The following LGALS12 variants were observed in gnomAD, a reference collection of about 807,000 sequenced individuals.
LGALS12 encodes the protein galectin-12.
LGALS12 carries 36 observed loss-of-function variants against 36.8 expected under a neutral mutation model. The ratio of observed to expected loss-of-function variants is 0.98; its 90% confidence interval spans 0.75 to 1.29. The LOEUF (loss-of-function observed/expected upper bound fraction) is 1.29. LGALS12 is among the 50% of genes most tolerant of loss of function. The pLI is 0.00. For missense variants in LGALS12, 366 were observed against 394.3 expected, an observed-to-expected ratio of 0.93 and a Z score of 0.61; for synonymous variants, 145 against 155.9, an observed-to-expected ratio of 0.93 and a Z score of 0.52.
At chr11:63,513,273 C>T (rs981162011) in intron 7 of LGALS12, among the ~76,000 whole-genome samples, 1 of 152,106 alleles carries the variant, frequency 6.6e-6, no homozygotes, top group African/African-American at 2.4e-5. Context: ...GGCATGAGAC[C>T]GGGTTCATAT....
chr11:63,506,381 TGA>T lies in LGALS12; in HGVS notation c.-77_-76del. 2 of 1,614,102 alleles carry T rather than the reference TGA, an allele frequency of 1.2e-6. No individual in the cohort carries two copies. Among genetic ancestry groups the T allele is most frequent in the Non-Finnish European group, 1.7e-6 (2 of 1,179,984 alleles). On this transcript the variant is annotated 5_prime_UTR_variant, in exon 1 of 9. Coordinates refer to ENST00000394618, the MANE Select transcript of LGALS12 (RefSeq NM_033101.4). ...GAGCTGCTCCAGGCATTTAGGACCC[TGA>T]CTGGGGCAGATGAGTCAGCCCAGTG...
intron 3 of LGALS12, 21 bp from the exon 4 acceptor site, chr11:63,509,757 A>G (rs2016858745): frequency 6.2e-7 from 1 of 1,612,848 alleles, no homozygotes; most frequent in Non-Finnish European, 8.5e-7. Flanking sequence ...CTGATAAGCC[A>G]GCCTCTGTCT....
intron 7 of LGALS12, among the ~76,000 whole-genome samples, chr11:63,513,014 C>T (rs1204289691): frequency 6.6e-6 from 1 of 152,198 alleles, no homozygotes; most frequent in Non-Finnish European, 1.5e-5. Flanking sequence ...GCCCTGCACA[C>T]TGCCGATCAT....
At chr11:63,515,257 T>C (rs991480202) in intron 7 of LGALS12, among the ~76,000 whole-genome samples, 5 of 152,208 alleles carry the variant, frequency 3.3e-5, no homozygotes, top group African/African-American at 1.2e-4. Flanking sequence ...ATCATCCCCA[T>C]TTTCAGGAGG....
At chr11:63,511,304 G>A (rs1160899516) in intron 6 of LGALS12, among the ~76,000 whole-genome samples, 199 bp downstream of exon 6, 3 of 152,198 alleles carry the variant, frequency 2.0e-5, no homozygotes, top group African/African-American at 7.2e-5. Flanking sequence ...GCTGCAGGCT[G>A]TGGGTGGGCT....
In LGALS12 at chr11:63,511,684, C is replaced by G. The variant is rs931372528; in HGVS notation, c.559-68C>G. 5.1e-6 allele frequency: 6 copies of G among 1,170,122 alleles called. No homozygotes were observed. In the African/African-American group the frequency reaches 6.0e-5, roughly 12 times the overall value. The allele number at this position is 1,170,122 out of a possible 1,614,324, so 72.5% of individuals were successfully genotyped here. On this transcript the variant is annotated intron_variant, in intron 6 of 8. Coordinates refer to ENST00000394618, the MANE Select transcript of LGALS12 (RefSeq NM_033101.4). ...GCCTGCCCCAGTGCTCCCCTGGCCCCCGGGGATGGGCGGTCCTCCCCAGTC... is the reference window on the plus strand; with the variant it reads ...GCCTGCCCCAGTGCTCCCCTGGCCCGCGGGGATGGGCGGTCCTCCCCAGTC...
chr11:63,516,493 C>T lies in LGALS12; in HGVS notation c.*100C>T. On this transcript the variant is annotated 3_prime_UTR_variant, in exon 9 of 9. Transcript: ENST00000394618. ...TTAAACCATCCACCTGACACCAGCA[C>T]ATCAGGCCTGGTTCACCTCTGGGGT... 7.2e-6 allele frequency: 10 copies of T among 1,389,022 alleles called. No homozygotes were observed. The highest frequency in any genetic ancestry group is 1.0e-5 in the Non-Finnish European group (10 of 994,814). 86.0% of individuals were successfully genotyped at this position (1,389,022 alleles called of 1,614,324 possible). A position where few individuals can be genotyped will look rare whatever the true frequency, so the allele number is the denominator to read the frequency against.
rs934060386 is a variant in LGALS12 at position 63,510,501 on chromosome 11, T to C, written c.531T>C (p.His177=). 5 of 1,612,722 alleles carry C rather than the reference T, an allele frequency of 3.1e-6. No individual in the cohort carries two copies. The African/African-American group carries it at 4.0e-5, about 13-fold the overall frequency. ...VEGSREYPAG[H]PFLLMSPRLE... ...GCAGCAGAGAGTACCCAGCTGGACA[T>C]GTGAGTTTCTTGGCAGCAAGGTCTG... is the stretch of plus-strand genomic sequence containing the variant. Residue 177 remains histidine, a splice_region_variant and synonymous_variant, in exon 5 of 9, where the codon CAT becomes CAC. Coordinates refer to ENST00000394618, the MANE Select transcript of LGALS12 (RefSeq NM_033101.4).
chr11:63,515,813 G>A (rs553237678), intron 8 of LGALS12, 100 bp downstream of exon 8: 2 of 1,320,066 alleles, frequency 1.5e-6, no homozygotes, highest in South Asian at 1.4e-5. Flanking sequence ...CAGGACAGAT[G>A]TTATGGGGTG....
In LGALS12 at chr11:63,511,086, T is replaced by G. The variant is rs935371293; in HGVS notation, c.539T>G (p.Leu180Arg). 4.3e-6 allele frequency: 7 copies of G among 1,613,798 alleles called. No homozygotes were observed. Among genetic ancestry groups the G allele is most frequent in the Non-Finnish European group, 5.9e-6 (7 of 1,179,990 alleles). Residue 180 changes from leucine to arginine, a missense_variant, in exon 6 of 9, where the codon CTG becomes CGG. Physicochemically the swap from Leu to Arg is moderately radical, Grantham distance 102 (BLOSUM62 -2). Transcript: ENST00000394618. ...SREYPAGHPF[L>R]LMSPRLEVPC... ...TCTTTCTTTCCCTGACAGCCTTTCC[T>G]GCTGATGAGCCCCAGGCTGGTGAGT... is the stretch of plus-strand genomic sequence containing the variant.
rs767307228 is a variant in LGALS12, at chr11:63,515,608, A to G, written c.693A>G (p.Thr231=). 1 of 1,614,132 alleles carries G rather than the reference A, an allele frequency of 6.2e-7. No homozygotes were observed. The highest frequency in any genetic ancestry group is 8.5e-7 in the Non-Finnish European group (1 of 1,180,004). The change falls in exon 8 of 9, where the codon ACA becomes ACG. Residue 231 remains threonine, a synonymous_variant. Coordinates refer to ENST00000394618, the MANE Select transcript of LGALS12 (RefSeq NM_033101.4). The part of the protein sequence containing the change: ...LRDQAAHAPV[T]LRASFADRTL... ...ACCAGGCTGCCCATGCTCCTGTGACACTCAGGGCCTCCTTCGCAGACAGAA... is the reference window on the plus strand; with the variant it reads ...ACCAGGCTGCCCATGCTCCTGTGACGCTCAGGGCCTCCTTCGCAGACAGAA...
At position 63,510,484 on chromosome 11, in the gene LGALS12, G is replaced by A. The variant is rs761205250; in HGVS notation, c.514G>A (p.Glu172Lys). ...ACAGCCATTTGTGGAGGGCAGCAGAGAGTACCCAGCTGGACATGTGAGTTT... is the reference window on the plus strand; with the variant it reads ...ACAGCCATTTGTGGAGGGCAGCAGAAAGTACCCAGCTGGACATGTGAGTTT... Reference protein sequence around the residue: ...NINPFVEGSREYPAGHPFLLM... With the variant: ...NINPFVEGSRKYPAGHPFLLM... Residue 172 changes from glutamate to lysine, a missense_variant, in exon 5 of 9, where the codon GAG becomes AAG. Coordinates refer to ENST00000394618, the MANE Select transcript of LGALS12 (RefSeq NM_033101.4). The A allele has an allele frequency of 6.2e-7, 1 of 1,614,058 alleles. No homozygotes were observed. Among genetic ancestry groups the A allele is most frequent in the African/African-American group, 1.3e-5 (1 of 74,930 alleles).
intron 5 of LGALS12, among the ~76,000 whole-genome samples, chr11:63,510,713 T>C (rs1300995417): frequency 6.6e-6 from 1 of 152,168 alleles, no homozygotes; most frequent in East Asian, 1.9e-4. Flanking sequence ...GGGGGTGGGC[T>C]GCATGCAGAG....
chr11:63,516,414 C>A lies in LGALS12; in HGVS notation c.*21C>A, dbSNP rs76706902. The A allele has an allele frequency of 5.0e-6, 8 of 1,613,278 alleles. No individual in the cohort carries two copies. Among genetic ancestry groups the A allele is most frequent in the Non-Finnish European group, 5.9e-6 (7 of 1,179,940 alleles). The stretch of plus-strand genomic sequence containing the variant: ...CCTGAGGATGGTTCCAGGGAAATAC[C>A]GCCAGAAAACAAGAAGGTCAGCCCA... On this transcript the variant is annotated 3_prime_UTR_variant, in exon 9 of 9. Transcript: ENST00000394618.
In LGALS12 at chr11:63,509,832, CAT is replaced by C. The variant is rs1335841521; in HGVS notation, c.428_429del (p.His143ArgfsTer9). On this transcript the variant is annotated frameshift_variant, in exon 4 of 9. Transcript: ENST00000394618. LOFTEE classifies it high-confidence loss of function. ...CTTCCGCTACCGGCTCCCACTGTCT[CAT>C]GTGGACACGCTGGGTATATTTGGTG... ...LHFRYRLPLSHVDTLGIFGDI... is the reference protein window; with the variant it reads ...LHFRYRLPLSXVDTLGIFGDI... 3 of 1,614,098 alleles carry C rather than the reference CAT, an allele frequency of 1.9e-6. No individual in the cohort carries two copies. The highest frequency in any genetic ancestry group is 2.5e-6 in the Non-Finnish European group (3 of 1,179,920).
At chr11:63,508,130 T>G in intron 1 of LGALS12, 1 of 1,047,884 alleles carries the variant, frequency 9.5e-7, no homozygotes, top group South Asian at 3.2e-5. Flanking sequence ...TGTCAGTTCC[T>G]AACTTGTCCA....
Position 63,511,076 on chromosome 11 carries a change from C to T in LGALS12, c.532-3C>T. 1 of 1,613,704 alleles carries T rather than the reference C, an allele frequency of 6.2e-7. No individual in the cohort carries two copies. Among genetic ancestry groups the T allele is most frequent in the Non-Finnish European group, 8.5e-7 (1 of 1,179,840 alleles). On this transcript the variant is annotated splice_region_variant and splice_polypyrimidine_tract_variant and intron_variant, in intron 5 of 8. Coordinates refer to ENST00000394618, the MANE Select transcript of LGALS12 (RefSeq NM_033101.4). ...TTGTGTCCTCTCTTTCTTTCCCTGA[C>T]AGCCTTTCCTGCTGATGAGCCCCAG...
At chr11:63,509,501 G>A (rs2016850500) in intron 3 of LGALS12, among the ~76,000 whole-genome samples, 1 of 152,192 alleles carries the variant, frequency 6.6e-6, no homozygotes, top group South Asian at 2.1e-4. Context: ...CGTAAATGGA[G>A]CAAAGATGAC....
chr11:63,512,751 T>C (rs1015294594), intron 7 of LGALS12, among the ~76,000 whole-genome samples: 2 of 146,088 alleles, frequency 1.4e-5, no homozygotes, highest in African/African-American at 5.2e-5. Flanking sequence ...ATCGCGCCAC[T>C]GCACTCCAGC....
Sources: gnomAD v4.1 joint callset for allele counts (sites outside exome capture counted in the v4.1 genomes callset) on GRCh38, gnomAD v4.1.1 for gene constraint, MANE v1.5 for transcripts, NCBI Gene and HGNC (gene_info 2026-07-23, HGNC 2026-07-21) for gene names.